ANP32D: variants seen among roughly 807,000 people sequenced by gnomAD.
ANP32D encodes acidic leucine-rich nuclear phosphoprotein 32 family member D.
Under a neutral mutation model 7.8 loss-of-function variants are expected in ANP32D, and 6 were observed. The observed-to-expected ratio is 0.77, with a 90% CI of 0.42 to 1.52. The LOEUF is 1.52. ANP32D is among the 40% of genes most tolerant of loss of function. The pLI is 0.01. For missense variants in ANP32D, 163 were observed against 145.9 expected, an observed-to-expected ratio of 1.12 and a Z score of -0.60; for synonymous variants, 69 against 59.7, an observed-to-expected ratio of 1.16 and a Z score of -0.72.
In ANP32D at chr12:48,473,560, G is replaced by A. The variant is rs1954101789; in HGVS notation, c.*500G>A. 1 of 320,872 alleles carries A rather than the reference G, an allele frequency of 3.1e-6. No homozygotes were observed. Among genetic ancestry groups the A allele is most frequent in the South Asian group, 3.1e-5 (1 of 32,738 alleles). The allele number at this position is 320,872 out of a possible 1,614,324, so 19.9% of individuals were successfully genotyped here. Reference sequence around the variant, plus strand: ...GAGCAAGAGAGGAAAAGTGTACTGGGGGTTGTGAGGGAAGGGAGGGGAGGA... The same window carrying A: ...GAGCAAGAGAGGAAAAGTGTACTGGAGGTTGTGAGGGAAGGGAGGGGAGGA... On this transcript the variant is annotated 3_prime_UTR_variant, in exon 1 of 1. Coordinates refer to ENST00000266594, the MANE Select transcript of ANP32D (RefSeq NM_012404.3).
chr12:48,472,821 G>A lies in ANP32D; in HGVS notation c.157G>A (p.Gly53Ser). 2 of 1,614,128 alleles carry A rather than the reference G, an allele frequency of 1.2e-6. No individual in the cohort carries two copies. Among genetic ancestry groups the A allele is most frequent in the Non-Finnish European group, 1.7e-6 (2 of 1,180,026 alleles). Reference sequence around the variant, plus strand: ...GGAATTATTAAATACAATCAACATAGGCCTCACCTCAATTGCAAACTTGCC... The same window carrying A: ...GGAATTATTAAATACAATCAACATAAGCCTCACCTCAATTGCAAACTTGCC... ...ELELLNTINI[G>S]LTSIANLPKL... is the part of the protein sequence containing the mutation. The change falls in exon 1 of 1, where the codon GGC becomes AGC. Residue 53 changes from glycine (G) to serine (S), a missense_variant. Transcript: ENST00000266594.
Position 48,472,640 on chromosome 12 carries a change from A to G in ANP32D, c.-25A>G, listed in dbSNP as rs756960518. The stretch of plus-strand genomic sequence containing the variant: ...ATTGGTTGAATTCCGCTGGCTCAGG[A>G]GCCTCTGCAGAGAAAGCGTGAGAGA... On this transcript the variant is annotated 5_prime_UTR_variant, in exon 1 of 1. Coordinates refer to ENST00000266594, the MANE Select transcript of ANP32D (RefSeq NM_012404.3). The G allele has an allele frequency of 3.1e-6, 5 of 1,613,382 alleles. No homozygotes were observed. Among genetic ancestry groups the G allele is most frequent in the Admixed American group, 1.7e-5 (1 of 59,926 alleles).
In ANP32D at chr12:48,472,715, C is replaced by A. The variant is rs188770785; in HGVS notation, c.51C>A (p.Ser17=). The A allele has an allele frequency of 6.2e-7, 1 of 1,613,926 alleles. No individual in the cohort carries two copies. Among genetic ancestry groups the A allele is most frequent in the Non-Finnish European group, 8.5e-7 (1 of 1,180,016 alleles). The part of the protein sequence containing the change: ...IHLELRNRTP[S]DVKELFLDNS... ...TAGAGCTGCGGAACAGGACGCCCTC[C>A]GATGTGAAAGAACTTTTCCTGGACA... Residue 17 remains serine (S), a synonymous_variant, in exon 1 of 1, where the codon TCC becomes TCA. Transcript: ENST00000266594.
rs1320862436 is a variant in ANP32D, at chr12:48,473,243, T to G, written c.*183T>G. 2.7e-6 allele frequency: 3 copies of G among 1,123,130 alleles called. No homozygotes were observed. The highest frequency in any genetic ancestry group is 2.7e-6 in the Non-Finnish European group (2 of 749,148). 69.6% of individuals were successfully genotyped at this position (1,123,130 alleles called of 1,614,324 possible). On this transcript the variant is annotated 3_prime_UTR_variant, in exon 1 of 1. Transcript: ENST00000266594. ...TAATGGAAGATGAGGAGGACGAGGATGAGGAGGAGGAACGTGAAGAGGAGG... is the reference window on the plus strand; with the variant it reads ...TAATGGAAGATGAGGAGGACGAGGAGGAGGAGGAGGAACGTGAAGAGGAGG...
Position 48,473,442 on chromosome 12 carries a change from T to C in ANP32D, c.*382T>C. On this transcript the variant is annotated 3_prime_UTR_variant, in exon 1 of 1. Transcript: ENST00000266594. ...GGAATAATCTATTTTGAAAAATTCC[T>C]TTTGTGATTTTACTGTTTTTAGCCG... The C allele has an allele frequency of 1.6e-6, 1 of 615,878 alleles. No homozygotes were observed. The highest frequency in any genetic ancestry group is 2.8e-6 in the Non-Finnish European group (1 of 354,296). 38.2% of individuals were successfully genotyped at this position (615,878 alleles called of 1,614,324 possible).
rs752691227 is a variant in ANP32D at position 48,472,836 on chromosome 12, G to T, written c.172G>T (p.Ala58Ser). 8 of 1,614,086 alleles carry T rather than the reference G, an allele frequency of 5.0e-6. No homozygotes were observed. The highest frequency in any genetic ancestry group is 6.8e-6 in the Non-Finnish European group (8 of 1,180,002). ...AATCAACATAGGCCTCACCTCAATT[G>T]CAAACTTGCCAAAGTTAAACAAACT... ...NTINIGLTSIANLPKLNKLKK... is the reference protein window; with the variant it reads ...NTINIGLTSISNLPKLNKLKK... The change falls in exon 1 of 1, where the codon GCA becomes TCA. Residue 58 changes from alanine to serine, a missense_variant. By Grantham distance (99) the Ala-to-Ser change is moderately conservative (BLOSUM62 1). Transcript: ENST00000266594.
Position 48,472,814 on chromosome 12 carries a change from C to G in ANP32D, c.150C>G (p.Ile50Met). The change falls in exon 1 of 1, where the codon ATC (isoleucine) becomes ATG (methionine). Residue 50 changes from isoleucine to methionine, a missense_variant. Ile to Met is a conservative substitution (Grantham distance 10, BLOSUM62 1). Coordinates refer to ENST00000266594, the MANE Select transcript of ANP32D (RefSeq NM_012404.3). Reference sequence around the variant, plus strand: ...AAGAACTGGAATTATTAAATACAATCAACATAGGCCTCACCTCAATTGCAA... The same window carrying G: ...AAGAACTGGAATTATTAAATACAATGAACATAGGCCTCACCTCAATTGCAA... ...EFEELELLNTINIGLTSIANL... is the reference protein window; with the variant it reads ...EFEELELLNTMNIGLTSIANL... 6.2e-7 allele frequency: 1 copy of G among 1,614,174 alleles called. No homozygotes were observed. Among genetic ancestry groups the G allele is most frequent in the East Asian group, 2.2e-5 (1 of 44,884 alleles).
Position 48,472,975 on chromosome 12 carries a change from G to A in ANP32D, c.311G>A (p.Ser104Asn). 6.2e-7 allele frequency: 1 copy of A among 1,614,106 alleles called. No homozygotes were observed. The highest frequency in any genetic ancestry group is 1.7e-5 in the Admixed American group (1 of 60,016). ...AGTGGCAACAAAATTAAAGACCTCAGCACAATAGAGCCCCTGAAAAAGTTA... is the reference window on the plus strand; with the variant it reads ...AGTGGCAACAAAATTAAAGACCTCAACACAATAGAGCCCCTGAAAAAGTTA... ...NLSGNKIKDL[S>N]TIEPLKKLEN... The change falls in exon 1 of 1, where the codon AGC (serine) becomes AAC (asparagine). Residue 104 changes from serine to asparagine, a missense_variant. Transcript: ENST00000266594.
chr12:48,472,907 A>G lies in ANP32D; in HGVS notation c.243A>G (p.Glu81=), dbSNP rs749574437. The change falls in exon 1 of 1, where the codon GAA becomes GAG. Residue 81 remains glutamate (E), a synonymous_variant. Coordinates refer to ENST00000266594, the MANE Select transcript of ANP32D (RefSeq NM_012404.3). ...GTAACAGAGCCTCAGTGGGCCTAGAAGTATTGGCAGAAAAGTGTCCAAACC... is the reference window on the plus strand; with the variant it reads ...GTAACAGAGCCTCAGTGGGCCTAGAGGTATTGGCAGAAAAGTGTCCAAACC... ...LSSNRASVGL[E]VLAEKCPNLI... 31 of 1,614,092 alleles carry G rather than the reference A, an allele frequency of 1.9e-5. No individual in the cohort carries two copies. Among genetic ancestry groups the G allele is most frequent in the Non-Finnish European group, 2.5e-5 (29 of 1,180,042 alleles).
Position 48,472,655 on chromosome 12 carries a change from A to C in ANP32D, c.-10A>C. ...CTGGCTCAGGAGCCTCTGCAGAGAA[A>C]GCGTGAGAGATGGAGATGGGCAAAT... On this transcript the variant is annotated 5_prime_UTR_variant, in exon 1 of 1. Transcript: ENST00000266594. 6.2e-7 allele frequency: 1 copy of C among 1,614,046 alleles called. No individual in the cohort carries two copies. Among genetic ancestry groups the C allele is most frequent in the East Asian group, 2.2e-5 (1 of 44,864 alleles).
chr12:48,473,552 T>C lies in ANP32D; in HGVS notation c.*492T>C, dbSNP rs1227028981. 1 of 337,516 alleles carries C rather than the reference T, an allele frequency of 3.0e-6. No homozygotes were observed. The highest frequency in any genetic ancestry group is 2.1e-5 in the African/African-American group (1 of 46,632). The allele number at this position is 337,516 out of a possible 1,614,324, so 20.9% of individuals were successfully genotyped here. A position where few individuals can be genotyped will look rare whatever the true frequency, so the allele number is the denominator to read the frequency against. ...TGCTGTGGGAGCAAGAGAGGAAAAGTGTACTGGGGGTTGTGAGGGAAGGGA... is the reference window on the plus strand; with the variant it reads ...TGCTGTGGGAGCAAGAGAGGAAAAGCGTACTGGGGGTTGTGAGGGAAGGGA... On this transcript the variant is annotated 3_prime_UTR_variant, in exon 1 of 1. Transcript: ENST00000266594.
chr12:48,473,409 G>A lies in ANP32D; in HGVS notation c.*349G>A. 1.3e-6 allele frequency: 1 copy of A among 764,716 alleles called. No homozygotes were observed. The highest frequency in any genetic ancestry group is 2.2e-6 in the Non-Finnish European group (1 of 454,426). The allele number at this position is 764,716 out of a possible 1,614,324, so 47.4% of individuals were successfully genotyped here. ...AACTGAAGATGAGGGAGAAGACGAT[G>A]CCTAAGTGGAATAATCTATTTTGAA... On this transcript the variant is annotated 3_prime_UTR_variant, in exon 1 of 1. Transcript: ENST00000266594.
chr12:48,472,622 G>A lies in ANP32D; in HGVS notation c.-43G>A. On this transcript the variant is annotated 5_prime_UTR_variant, in exon 1 of 1. Coordinates refer to ENST00000266594, the MANE Select transcript of ANP32D (RefSeq NM_012404.3). ...GTTGTGGGTTCGGGGTTTATTGGTT[G>A]AATTCCGCTGGCTCAGGAGCCTCTG... 6.2e-7 allele frequency: 1 copy of A among 1,609,786 alleles called. No individual in the cohort carries two copies.
chr12:48,472,828 C>T lies in ANP32D; in HGVS notation c.164C>T (p.Thr55Ile), dbSNP rs199826854. The T allele has an allele frequency of 1.1e-5, 17 of 1,614,116 alleles. No individual in the cohort carries two copies. The Admixed American group carries it at 2.2e-4, about 21-fold the overall frequency. ...ELLNTINIGLTSIANLPKLNK... is the reference protein window; with the variant it reads ...ELLNTINIGLISIANLPKLNK... ...TTAAATACAATCAACATAGGCCTCA[C>T]CTCAATTGCAAACTTGCCAAAGTTA... The change falls in exon 1 of 1, where the codon ACC (threonine) becomes ATC (isoleucine). Residue 55 changes from threonine to isoleucine, a missense_variant. By Grantham distance (89) the Thr-to-Ile change is moderately conservative (BLOSUM62 -1). Transcript: ENST00000266594.
Position 48,472,657 on chromosome 12 carries a change from C to T in ANP32D, c.-8C>T, listed in dbSNP as rs374148537. 290 of 1,613,802 alleles carry T rather than the reference C, an allele frequency of 1.8e-4. No individual in the cohort carries two copies. Among genetic ancestry groups the T allele is most frequent in the Middle Eastern group, 8.2e-4 (5 of 6,084 alleles). On this transcript the variant is annotated 5_prime_UTR_variant, in exon 1 of 1. Coordinates refer to ENST00000266594, the MANE Select transcript of ANP32D (RefSeq NM_012404.3). ...GGCTCAGGAGCCTCTGCAGAGAAAGCGTGAGAGATGGAGATGGGCAAATGG... is the reference window on the plus strand; with the variant it reads ...GGCTCAGGAGCCTCTGCAGAGAAAGTGTGAGAGATGGAGATGGGCAAATGG...
rs549832830 is a variant in ANP32D at position 48,473,048 on chromosome 12, G to A, written c.384G>A (p.Leu128=). 1 of 1,614,110 alleles carries A rather than the reference G, an allele frequency of 6.2e-7. No homozygotes were observed. Among genetic ancestry groups the A allele is most frequent in the African/African-American group, 1.3e-5 (1 of 75,042 alleles). The part of the protein sequence containing the change: ...LDLFTCEVTN[L]NNY ...TTTTCACTTGCGAGGTAACCAACCT[G>A]AACAACTACTGAGAAAAGATGTTCA... The change falls in exon 1 of 1, where the codon CTG becomes CTA. Residue 128 remains leucine (L), a synonymous_variant. Transcript: ENST00000266594.
Position 48,473,241 on chromosome 12 carries a change from G to C in ANP32D, c.*181G>C. 1 of 1,132,010 alleles carries C rather than the reference G, an allele frequency of 8.8e-7. No individual in the cohort carries two copies. The highest frequency in any genetic ancestry group is 1.3e-6 in the Non-Finnish European group (1 of 756,464). The allele number at this position is 1,132,010 out of a possible 1,614,324, so 70.1% of individuals were successfully genotyped here. A position where few individuals can be genotyped will look rare whatever the true frequency, so the allele number is the denominator to read the frequency against. Reference sequence around the variant, plus strand: ...GGTAATGGAAGATGAGGAGGACGAGGATGAGGAGGAGGAACGTGAAGAGGA... The same window carrying C: ...GGTAATGGAAGATGAGGAGGACGAGCATGAGGAGGAGGAACGTGAAGAGGA... On this transcript the variant is annotated 3_prime_UTR_variant, in exon 1 of 1. Transcript: ENST00000266594.
chr12:48,473,565 G>T lies in ANP32D; in HGVS notation c.*505G>T. 3.2e-6 allele frequency: 1 copy of T among 311,814 alleles called. No homozygotes were observed. Among genetic ancestry groups the T allele is most frequent in the Non-Finnish European group, 6.3e-6 (1 of 159,056 alleles). 19.3% of individuals were successfully genotyped at this position (311,814 alleles called of 1,614,324 possible). Reference sequence around the variant, plus strand: ...AGAGAGGAAAAGTGTACTGGGGGTTGTGAGGGAAGGGAGGGGAGGAGGGGG... The same window carrying T: ...AGAGAGGAAAAGTGTACTGGGGGTTTTGAGGGAAGGGAGGGGAGGAGGGGG... On this transcript the variant is annotated 3_prime_UTR_variant, in exon 1 of 1. Transcript: ENST00000266594.
Position 48,472,604 on chromosome 12 carries a change from G to C in ANP32D, c.-61G>C, listed in dbSNP as rs1391027333. The stretch of plus-strand genomic sequence containing the variant: ...TGAGCTTTCAAATGTGCGGTTGTGG[G>C]TTCGGGGTTTATTGGTTGAATTCCG... On this transcript the variant is annotated 5_prime_UTR_variant, in exon 1 of 1. Coordinates refer to ENST00000266594, the MANE Select transcript of ANP32D (RefSeq NM_012404.3). 6.3e-7 allele frequency: 1 copy of C among 1,599,038 alleles called. No homozygotes were observed. Among genetic ancestry groups the C allele is most frequent in the African/African-American group, 1.3e-5 (1 of 74,262 alleles).
Sources: allele counts gnomAD v4.1 joint callset, GRCh38; gene constraint gnomAD v4.1.1; transcripts MANE v1.5; gene names NCBI Gene and HGNC (gene_info 2026-07-23, HGNC 2026-07-21).